CACNA1F: variants seen among roughly 807,000 people sequenced by gnomAD.
The protein encoded by CACNA1F is voltage-dependent L-type calcium channel subunit alpha-1F.
In CACNA1F, 59 loss-of-function variants were observed where a neutral mutation model predicts 143.8. The ratio of observed to expected loss-of-function variants is 0.41; its 90% CI spans 0.33 to 0.51. The LOEUF is 0.51. Among genes scored for constraint, CACNA1F ranks in the 20% least tolerant of loss-of-function variants. The pLI, the probability that CACNA1F is intolerant of heterozygous loss-of-function variation, is 0.22. For synonymous variants in CACNA1F, 643 were observed against 649.1 expected (o/e 0.99, Z 0.14); for missense variants, 1,411 against 1,647.5 (o/e 0.86, Z 2.48).
intron 43 of CACNA1F, among the ~76,000 whole-genome samples, 184 bp from the exon 44 acceptor site, chrX:49,207,296 T>C (rs192425758): frequency 1.1e-4 from 12 of 112,059 alleles, no homozygotes; most frequent in African/African-American, 3.9e-4. Flanking sequence ...TTTTGTTTAA[T>C]AGATGTTCAT....
At chrX:49,233,174 G>T in intron 1 of CACNA1F, 111 bp downstream of exon 1, 1 of 783,834 alleles carries the variant, frequency 1.3e-6, no homozygotes, top group Non-Finnish European at 1.9e-6. Context: ...AGGGTGATGT[G>T]GTTCTTGTCC....
At chrX:49,219,282 A>C in intron 21 of CACNA1F, 39 bp downstream of exon 21, 1 of 1,187,228 alleles carries the variant, frequency 8.4e-7, no homozygotes, top group Admixed American at 2.2e-5. Flanking sequence ...CACCCCTGGG[A>C]GTGTCCCCTC....
At position 49,215,375 on chromosome X, in the gene CACNA1F, C is replaced by T. The variant is rs1569528053; in HGVS notation, c.3405G>A (p.Gln1135=). ...TGTCCAGCTCACAGTTTTGGTACTC[C>T]TGCTCGCCCTGGGCACGGAAAGTGA... is the stretch of plus-strand genomic sequence containing the variant. ...VIITFRAQGE[Q]EYQNCELDKN... is the part of the protein sequence containing the mutation. The change falls in exon 28 of 48, where the codon CAG becomes CAA. Residue 1135 remains glutamine, a synonymous_variant. Coordinates refer to ENST00000323022, the MANE Select transcript of CACNA1F (RefSeq NM_001256789.3). 1 of 1,210,891 alleles carries T rather than the reference C, an allele frequency of 8.3e-7. No individual in the cohort carries two copies. Among genetic ancestry groups the T allele is most frequent in the African/African-American group, 1.7e-5 (1 of 57,604 alleles).
intron 6 of CACNA1F, among the ~76,000 whole-genome samples, chrX:49,229,722 C>T (rs1361442661): frequency 1.0e-5 from 1 of 97,427 alleles, no homozygotes; most frequent in Non-Finnish European, 1.9e-5. Context: ...GGGTTCACGC[C>T]ATTCTCCTGC....
chrX:49,205,879 C>G (rs782061932), intron 46 of CACNA1F, 66 bp from the exon 47 acceptor site: 19 of 954,384 alleles, frequency 2.0e-5, no homozygotes, highest in Non-Finnish European at 2.5e-5. Flanking sequence ...TAGGACTCAC[C>G]GCTGTGCCTA....
intron 18 of CACNA1F, among the ~76,000 whole-genome samples, 170 bp downstream of exon 18, chrX:49,220,865 G>C (rs2065768195): frequency 8.9e-6 from 1 of 112,710 alleles, no homozygotes; most frequent in Admixed American, 9.3e-5. Flanking sequence ...CTTGGACCCA[G>C]GAGGCAGAGG....
rs781815787 is a variant in CACNA1F, at chrX:49,214,250, G to A, written c.3617C>T (p.Pro1206Leu). 1 of 1,178,343 alleles carries A rather than the reference G, an allele frequency of 8.5e-7. No individual in the cohort carries two copies. Among genetic ancestry groups the A allele is most frequent in the East Asian group, 3.0e-5 (1 of 33,737 alleles). The change falls in exon 30 of 48, where the codon CCC becomes CTC. Residue 1206 changes from proline to leucine, a missense_variant. Physicochemically the swap from Pro to Leu is moderately conservative, Grantham distance 98. Coordinates refer to ENST00000323022, the MANE Select transcript of CACNA1F (RefSeq NM_001256789.3). ...LAMQHYEQTAPFNYAMDILNM... is the reference protein window; with the variant it reads ...LAMQHYEQTALFNYAMDILNM... ...GAGGATGTCCATGGCATAGTTGAAGGGAGCAGTCTGCTCATAGTGCTGCAG... is the reference window on the plus strand; with the variant it reads ...GAGGATGTCCATGGCATAGTTGAAGAGAGCAGTCTGCTCATAGTGCTGCAG...
chrX:49,212,935 G>C, intron 32 of CACNA1F, 39 bp downstream of exon 32: 1 of 1,193,300 alleles, frequency 8.4e-7, no homozygotes, highest in Non-Finnish European at 1.1e-6. Flanking sequence ...AGGGACATGG[G>C]AAAAGAAGCA....
Position 49,225,939 on chromosome X carries a change from C to A in CACNA1F, c.1621G>T (p.Gly541Trp). 8.6e-7 allele frequency: 1 copy of A among 1,168,378 alleles called. No homozygotes were observed. ...NTLTIASEHHGQPVWLTQIQE... is the reference protein window; with the variant it reads ...NTLTIASEHHWQPVWLTQIQE... The stretch of plus-strand genomic sequence containing the variant: ...ATCTGGGTGAGCCACACAGGCTGCC[C>A]GTGGTGCTCAGAGGCGATGGTCAAC... Residue 541 changes from glycine (G) to tryptophan (W), a missense_variant, in exon 13 of 48, where the codon GGG becomes TGG. Gly to Trp is a radical substitution (Grantham distance 184). Coordinates refer to ENST00000323022, the MANE Select transcript of CACNA1F (RefSeq NM_001256789.3).
chrX:49,212,337 A>T (rs1557106451), intron 33 of CACNA1F, 29 bp from the exon 34 acceptor site: 1 of 1,083,548 alleles, frequency 9.2e-7, no homozygotes, highest in African/African-American at 1.8e-5. Flanking sequence ...GGGGCAGAGA[A>T]TAGATGCACA....
intron 14 of CACNA1F, among the ~76,000 whole-genome samples, chrX:49,223,595 C>CAAAAAAAAAA (rs58022930): frequency 4.2e-5 from 1 of 23,677 alleles, no homozygotes; most frequent in Non-Finnish European, 6.1e-5. Flanking sequence ...GACTCTGTCT[C>CAAAAAAAAAA]AAAAAAAAAA....
At chrX:49,221,011 A>T in intron 18 of CACNA1F, 24 bp downstream of exon 18, 1 of 1,168,646 alleles carries the variant, frequency 8.6e-7, no homozygotes. Flanking sequence ...GGAGGTGTAG[A>T]CAGTGCCCAG....
intron 12 of CACNA1F, 64 bp downstream of exon 12, chrX:49,226,153 G>A (rs1340141922): frequency 9.0e-6 from 10 of 1,116,909 alleles, no homozygotes; most frequent in Middle Eastern, 4.8e-4. Flanking sequence ...AAGGTCATGA[G>A]GGCTTGGAGG....
rs2147896102 is a variant in CACNA1F at position 49,210,603 on chromosome X, C to T, written c.4472G>A (p.Arg1491Gln). 2 of 1,209,211 alleles carry T rather than the reference C, an allele frequency of 1.7e-6. No homozygotes were observed. Among genetic ancestry groups the T allele is most frequent in the Non-Finnish European group, 2.2e-6 (2 of 893,545 alleles). ...PLGFGKLCPH[R>Q]VACKRLVAMN... The stretch of plus-strand genomic sequence containing the variant: ...AGGTGCACAGACCTTGCAGGCCACT[C>T]GGTGTGGGCACAGCTTCCCAAATCC... Residue 1491 changes from arginine to glutamine, a missense_variant, in exon 38 of 48, where the codon CGA becomes CAA. By Grantham distance (43) the Arg-to-Gln change is conservative. Transcript: ENST00000323022.
Position 49,221,039 on chromosome X carries a change from C to G in CACNA1F, c.2330G>C (p.Gly777Ala), listed in dbSNP as rs782183517. 1 of 1,207,228 alleles carries G rather than the reference C, an allele frequency of 8.3e-7. No individual in the cohort carries two copies. The highest frequency in any genetic ancestry group is 1.7e-5 in the African/African-American group (1 of 57,791). ...GTGCCCAGGCATCTAACTCACCAGG[C>G]CTTCATTCTCCTGTGGGAGATCCTT... is the stretch of plus-strand genomic sequence containing the variant. The part of the protein sequence containing the change: ...NEKDLPQENE[G>A]LVPGVEKEEE... The change falls in exon 18 of 48, where the codon GGC (glycine) becomes GCC (alanine). Residue 777 changes from glycine (G) to alanine (A), a missense_variant. This residue lies in a region of CACNA1F where 950 missense variants were observed against 1,128.1 expected (regional missense o/e 0.84). Coordinates refer to ENST00000323022, the MANE Select transcript of CACNA1F (RefSeq NM_001256789.3).
chrX:49,220,330 G>T, intron 19 of CACNA1F, 143 bp downstream of exon 19: 1 of 499,115 alleles, frequency 2.0e-6, no homozygotes, highest in South Asian at 2.7e-5. Flanking sequence ...AAATGTTGCT[G>T]ACCACATACC....
chrX:49,218,145 G>A, intron 24 of CACNA1F, 140 bp from the exon 25 acceptor site: 1 of 496,188 alleles, frequency 2.0e-6, no homozygotes, highest in Non-Finnish European at 3.6e-6. Flanking sequence ...TTAGCAACAT[G>A]TGTTCAAGAG....
chrX:49,208,523 G>A lies in CACNA1F; in HGVS notation c.5115C>T (p.Asn1705=). Residue 1705 remains asparagine, a synonymous_variant, in exon 43 of 48, where the codon AAC becomes AAT. Transcript: ENST00000323022. Reference sequence around the variant, plus strand: ...CAGACACTTGATAATACCTGTGGGTGTTGGATCCAGCCTGGGGCACACTGG... The same window carrying A: ...CAGACACTTGATAATACCTGTGGGTATTGGATCCAGCCTGGGGCACACTGG... The part of the protein sequence containing the change: ...SQPSVPQAGS[N]THRRGSGALI... The A allele has an allele frequency of 8.3e-7, 1 of 1,206,541 alleles. No homozygotes were observed. Among genetic ancestry groups the A allele is most frequent in the Non-Finnish European group, 1.1e-6 (1 of 892,899 alleles).
In CACNA1F at chrX:49,205,145, C is replaced by T. The variant is rs1394214739; in HGVS notation, c.5893G>A (p.Ala1965Thr). Residue 1965 changes from alanine to threonine, a missense_variant, in exon 48 of 48, where the codon GCC becomes ACC. By Grantham distance (58) the Ala-to-Thr change is moderately conservative. This residue lies in a region of CACNA1F where 349 missense variants were observed against 350.2 expected (regional missense o/e 1.00). Coordinates refer to ENST00000323022, the MANE Select transcript of CACNA1F (RefSeq NM_001256789.3). ...DLGDEMACVH[A>T]L is the part of the protein sequence containing the mutation. ...TGGGGAGGGGTGGGAATTCAGAGGG[C>T]GTGGACGCAGGCCATCTCGTCTCCC... The T allele has an allele frequency of 3.3e-6, 4 of 1,201,609 alleles. No homozygotes were observed. The highest frequency in any genetic ancestry group is 4.5e-6 in the Non-Finnish European group (4 of 887,826).
Sources: gnomAD v4.1 joint callset for allele counts (sites outside exome capture counted in the v4.1 genomes callset) on GRCh38, gnomAD v4.1.1 for gene constraint, gnomAD v4.1.1 regional missense constraint, MANE v1.5 for transcripts, NCBI Gene and HGNC (gene_info 2026-07-23, HGNC 2026-07-21) for gene names.